The following RBFOX1 variants were observed in gnomAD, a reference collection of about 807,000 sequenced individuals.
The protein encoded by RBFOX1 is RNA binding fox-1 homolog 1, also known as RNA binding protein fox-1 homolog 1.
In RBFOX1, 8 loss-of-function variants were observed where a neutral mutation model predicts 57.7. That is an observed-to-expected ratio of 0.14 (90% CI 0.08 to 0.25). The LOEUF (loss-of-function observed/expected upper bound fraction) is 0.25. Ranked by LOEUF, RBFOX1 falls within the 10% of genes least tolerant of loss-of-function variation. The pLI, the probability that RBFOX1 is intolerant of heterozygous loss-of-function variation, is 1.00. For missense variants in RBFOX1, 611 were observed against 548.5 expected, an observed-to-expected ratio of 1.11 and a Z score of -1.14; for synonymous variants, 326 against 222.4, an observed-to-expected ratio of 1.47 and a Z score of -4.15.
At chr16:5,735,835 C>A (rs944591999) in intron 3 of RBFOX1, among the ~76,000 whole-genome samples, 6 of 152,080 alleles carry the variant, frequency 3.9e-5, no homozygotes, top group Admixed American at 3.9e-4. Context: ...AAGATGGCAC[C>A]ACTGCACTCC....
intron 1 of RBFOX1, chr16:6,038,976 A>G (rs1357201391): frequency 2.2e-5 from 3 of 139,130 alleles, no homozygotes; most frequent in African/African-American, 2.7e-5. Context: ...ATACCAGCCA[A>G]TGTCCTCTGC....
At position 7,352,486 on chromosome 16, in the gene RBFOX1, G is replaced by C. The variant is rs150666228; in HGVS notation, c.28-165661G>C. On this transcript the variant is annotated intron_variant, in intron 4 of 15. Transcript: ENST00000550418. The stretch of plus-strand genomic sequence containing the variant: ...GAAGACGTGGGGTGGGTAAGAATCT[G>C]TCACCACTAAACGCTTACTCCGGGC... 7.4e-3 allele frequency among the ~76,000 whole-genome samples: 1,133 copies of C among 152,264 alleles called. 11 individuals carry two copies. Among genetic ancestry groups the C allele is most frequent in the African/African-American group, 0.026 (1,080 of 41,536 alleles).
At chr16:7,464,093 C>T (rs898711590) in intron 4 of RBFOX1, among the ~76,000 whole-genome samples, 1 of 152,136 alleles carries the variant, frequency 6.6e-6, no homozygotes, top group African/African-American at 2.4e-5. Flanking sequence ...TCTTTATGAT[C>T]TGCTTACTTG....
rs372860480 is a variant in RBFOX1, at chr16:7,712,567, G to C, written c.*1822G>C. 6.6e-6 allele frequency: 1 copy of C among 152,550 alleles called. No individual in the cohort carries two copies. The highest frequency in any genetic ancestry group is 1.5e-5 in the Non-Finnish European group (1 of 68,040). The allele number at this position is 152,550 out of a possible 1,614,324, so 9.4% of individuals were successfully genotyped here. A position where few individuals can be genotyped will look rare whatever the true frequency, so the allele number is the denominator to read the frequency against. On this transcript the variant is annotated 3_prime_UTR_variant, in exon 16 of 16. Coordinates refer to ENST00000550418, the MANE Select transcript of RBFOX1 (RefSeq NM_018723.4). ...ATCTTGAAAAGAGAAAAGGGGGAGG[G>C]GGGAGCTACTTATCAGCCAAAAGCA...
chr16:6,836,159 C>T (rs1003356692), intron 3 of RBFOX1, among the ~76,000 whole-genome samples: 5 of 152,320 alleles, frequency 3.3e-5, no homozygotes, highest in South Asian at 4.1e-4. Flanking sequence ...ACCATTAATA[C>T]GTCACCGGGT....
intron 2 of RBFOX1, among the ~76,000 whole-genome samples, chr16:6,622,330 T>A (rs2098244845): frequency 6.6e-6 from 1 of 152,168 alleles, no homozygotes; most frequent in Admixed American, 6.5e-5. Context: ...ATTTTTTATC[T>A]TTTATATTTT....
At chr16:6,059,898 G>T (rs995167141) in intron 1 of RBFOX1, among the ~76,000 whole-genome samples, 1 of 151,996 alleles carries the variant, frequency 6.6e-6, no homozygotes, top group Non-Finnish European at 1.5e-5. Flanking sequence ...GAGAATAAAG[G>T]ATCATTTGTT....
intron 4 of RBFOX1, among the ~76,000 whole-genome samples, chr16:7,457,590 C>T (rs1418583571): frequency 6.6e-6 from 1 of 152,164 alleles, no homozygotes; most frequent in African/African-American, 2.4e-5. Flanking sequence ...CCTTCTTCTT[C>T]AAGCTGTATT....
chr16:6,283,369 C>T (rs1243947659), intron 1 of RBFOX1, among the ~76,000 whole-genome samples: 1 of 152,060 alleles, frequency 6.6e-6, no homozygotes, highest in Non-Finnish European at 1.5e-5. Flanking sequence ...TATCCTTAAG[C>T]CTAGCCATTC....
intron 4 of RBFOX1, among the ~76,000 whole-genome samples, chr16:7,439,732 T>C (rs1236004376): frequency 6.6e-6 from 1 of 152,182 alleles, no homozygotes; most frequent in Non-Finnish European, 1.5e-5. Flanking sequence ...CTAATGGATG[T>C]GTCTTTTCCT....
intron 3 of RBFOX1, among the ~76,000 whole-genome samples, chr16:5,660,434 C>G (rs986806458): frequency 6.6e-6 from 1 of 152,174 alleles, no homozygotes. Flanking sequence ...ATACTGTCCT[C>G]TAGATGCTTG....
chr16:5,571,876 C>G (rs2046295708), intron 2 of RBFOX1, among the ~76,000 whole-genome samples: 1 of 152,190 alleles, frequency 6.6e-6, no homozygotes, highest in South Asian at 2.1e-4. Flanking sequence ...TTGTTCAGTC[C>G]ACCAAGGTCC....
chr16:7,154,347 G>A (rs1446818032), intron 4 of RBFOX1, among the ~76,000 whole-genome samples: 6 of 152,158 alleles, frequency 3.9e-5, no homozygotes, highest in African/African-American at 1.4e-4. Flanking sequence ...TCTCTGCCTG[G>A]GAGATTAGAA....
At chr16:5,404,556 C>T (rs2066810177) in intron 1 of RBFOX1, among the ~76,000 whole-genome samples, 1 of 152,158 alleles carries the variant, frequency 6.6e-6, no homozygotes, top group Admixed American at 6.5e-5. Flanking sequence ...CAGAGGATAG[C>T]TGTATCTTCA....
chr16:7,630,857 C>A (rs2060832403), intron 11 of RBFOX1, among the ~76,000 whole-genome samples, 174 bp downstream of exon 11: 1 of 152,096 alleles, frequency 6.6e-6, no homozygotes, highest in Non-Finnish European at 1.5e-5. Context: ...TCCCAGATGT[C>A]CTGGACATTC....
chr16:6,692,362 C>T (rs990393933), intron 3 of RBFOX1, among the ~76,000 whole-genome samples: 60 of 152,188 alleles, frequency 3.9e-4, no homozygotes, highest in African/African-American at 1.3e-3. Flanking sequence ...TTACCTAGAT[C>T]CTTGAAGTCA....
intron 3 of RBFOX1, among the ~76,000 whole-genome samples, chr16:6,771,391 C>G (rs2078266504): frequency 6.6e-6 from 1 of 152,018 alleles, no homozygotes; most frequent in Non-Finnish European, 1.5e-5. Context: ...TTTCTGACGC[C>G]TAAGTCAGCA....
intron 1 of RBFOX1, among the ~76,000 whole-genome samples, chr16:6,147,890 C>T (rs150709694): frequency 6.6e-6 from 1 of 152,348 alleles, no homozygotes; most frequent in Non-Finnish European, 1.5e-5. Flanking sequence ...AATCCCCCCA[C>T]TTCTAGTCAT....
chr16:6,633,811 C>G (rs528372964), intron 2 of RBFOX1, among the ~76,000 whole-genome samples: 14 of 152,060 alleles, frequency 9.2e-5, no homozygotes, highest in Non-Finnish European at 1.8e-4. Context: ...GAGTTTGAGA[C>G]TAGCCTGGGC....
Sources: allele counts gnomAD v4.1 joint callset (sites outside exome capture counted in the v4.1 genomes callset), GRCh38; gene constraint gnomAD v4.1.1; transcripts MANE v1.5; gene names NCBI Gene and HGNC (gene_info 2026-07-23, HGNC 2026-07-21).